Variants in HHIP observed in about 807,000 individuals in gnomAD.
HHIP encodes the protein hedgehog-interacting protein.
In HHIP, 12 loss-of-function variants were observed where a neutral mutation model predicts 74.0. The observed-to-expected ratio is 0.16, with a 90% confidence interval of 0.10 to 0.26. The LOEUF (loss-of-function observed/expected upper bound fraction) is 0.26, where lower values mean the gene tolerates loss of function less well. Among genes scored for constraint, HHIP ranks in the 10% least tolerant of loss-of-function variants. HHIP has a pLI of 1.00. For synonymous variants in HHIP, 309 were observed against 311.6 expected (o/e 0.99, Z 0.09); for missense variants, 788 against 845.0 (o/e 0.93, Z 0.84).
rs200031367 is a variant in HHIP, at chr4:144,738,110, T to C, written c.*153T>C. ...TTTCCAGAAATGTGCAGATCCTCTG[T>C]GTGTATGTCAGCATGTTTGTTCACA... is the stretch of plus-strand genomic sequence containing the variant. On this transcript the variant is annotated 3_prime_UTR_variant, in exon 13 of 13. Coordinates refer to ENST00000296575, the MANE Select transcript of HHIP (RefSeq NM_022475.3). The C allele has an allele frequency of 8.3e-6, 11 of 1,323,094 alleles. 1 individual carries two copies. In the South Asian group the frequency reaches 1.9e-4, roughly 22 times the overall value. 82.0% of individuals were successfully genotyped at this position (1,323,094 alleles called of 1,614,324 possible).
intron 2 of HHIP, 151 bp from the exon 3 acceptor site, chr4:144,658,639 G>C (rs1459651642): frequency 1.7e-6 from 1 of 592,634 alleles, no homozygotes; most frequent in African/African-American, 1.9e-5. Flanking sequence ...AAAGTGGTGG[G>C]ATTACAGGAC....
chr4:144,707,004 T>C (rs1469681567), intron 5 of HHIP, 83 bp from the exon 6 acceptor site: 3 of 1,191,410 alleles, frequency 2.5e-6, no homozygotes, highest in African/African-American at 3.1e-5. Context: ...AGTTTGTTTT[T>C]TCATTTATAT....
intron 11 of HHIP, among the ~76,000 whole-genome samples, chr4:144,726,578 G>C (rs1162973212): frequency 1.3e-5 from 2 of 152,136 alleles, no homozygotes; most frequent in Non-Finnish European, 2.9e-5. Context: ...AATTCACCAT[G>C]ATTTGGTTTC....
intron 2 of HHIP, among the ~76,000 whole-genome samples, chr4:144,653,690 C>T (rs1208531440): frequency 6.6e-6 from 1 of 152,086 alleles, no homozygotes; most frequent in Non-Finnish European, 1.5e-5. Flanking sequence ...GTAGAATGCA[C>T]CAAGAGAATT....
chr4:144,737,275 T>G (rs1270544857), intron 12 of HHIP, among the ~76,000 whole-genome samples: 1 of 152,154 alleles, frequency 6.6e-6, no homozygotes, highest in Non-Finnish European at 1.5e-5. Flanking sequence ...AGGGAGTTTA[T>G]ATGGTGGATA....
intron 4 of HHIP, among the ~76,000 whole-genome samples, chr4:144,664,516 G>A (rs1728805280): frequency 6.6e-6 from 1 of 152,162 alleles, no homozygotes; most frequent in Non-Finnish European, 1.5e-5. Context: ...GCAATCTTAA[G>A]GCAACCCATG....
intron 5 of HHIP, 56 bp from the exon 6 acceptor site, chr4:144,707,031 T>G: frequency 1.4e-6 from 2 of 1,432,246 alleles, no homozygotes; most frequent in Non-Finnish European, 9.8e-7. Context: ...CACTTTCTGA[T>G]GGACTCATCT....
rs961942837 is a variant in HHIP, at chr4:144,744,634, T to A, written c.*6677T>A. On this transcript the variant is annotated 3_prime_UTR_variant, in exon 13 of 13. Transcript: ENST00000296575. ...TCTCTGAATTTGAACTTATTTGATT[T>A]ATTTAACCAAGTTATTATAATATGC... is the stretch of plus-strand genomic sequence containing the variant. The A allele has an allele frequency of 6.6e-6, 1 of 152,226 alleles. No homozygotes were observed. The highest frequency in any genetic ancestry group is 1.5e-5 in the Non-Finnish European group (1 of 68,036). 9.4% of individuals were successfully genotyped at this position (152,226 alleles called of 1,614,324 possible). A position where few individuals can be genotyped will look rare whatever the true frequency, so the allele number is the denominator to read the frequency against.
chr4:144,728,468 T>C (rs969573461), intron 11 of HHIP, among the ~76,000 whole-genome samples: 2 of 152,184 alleles, frequency 1.3e-5, no homozygotes, highest in Non-Finnish European at 2.9e-5. Flanking sequence ...ATTTTAGAAA[T>C]GTTTAGTACA....
intron 11 of HHIP, among the ~76,000 whole-genome samples, chr4:144,728,508 T>C (rs562973834): frequency 3.7e-4 from 57 of 152,302 alleles, no homozygotes; most frequent in African/African-American, 1.4e-3. Flanking sequence ...ATTTATAAGG[T>C]ATATAAATTC....
rs1210792391 is a variant in HHIP at position 144,714,429 on chromosome 4, C to T, written c.1547+81C>T. Reference sequence around the variant, plus strand: ...ATTTGGCAAACTGCCACAAAATATTCAAATGATTGTCTCTTTTTGTGCATC... The same window carrying T: ...ATTTGGCAAACTGCCACAAAATATTTAAATGATTGTCTCTTTTTGTGCATC... On this transcript the variant is annotated intron_variant, in intron 9 of 12. Coordinates refer to ENST00000296575, the MANE Select transcript of HHIP (RefSeq NM_022475.3). 6 of 1,371,878 alleles carry T rather than the reference C, an allele frequency of 4.4e-6. No individual in the cohort carries two copies. The Admixed American group carries it at 1.0e-4, about 24-fold the overall frequency. The allele number at this position is 1,371,878 out of a possible 1,614,324, so 85.0% of individuals were successfully genotyped here. A position where few individuals can be genotyped will look rare whatever the true frequency, so the allele number is the denominator to read the frequency against.
intron 12 of HHIP, among the ~76,000 whole-genome samples, chr4:144,736,463 A>C (rs1731124905): frequency 6.6e-6 from 1 of 152,114 alleles, no homozygotes; most frequent in Non-Finnish European, 1.5e-5. Context: ...ACAGAATATA[A>C]CATAAAGTGT....
intron 12 of HHIP, among the ~76,000 whole-genome samples, chr4:144,737,396 T>C (rs1376964664): frequency 6.6e-6 from 1 of 152,182 alleles, no homozygotes; most frequent in Non-Finnish European, 1.5e-5. Context: ...AGATCCTACC[T>C]TGAAGGAATG....
intron 4 of HHIP, among the ~76,000 whole-genome samples, chr4:144,699,614 C>A (rs1224303923): frequency 6.6e-6 from 1 of 152,084 alleles, no homozygotes; most frequent in Non-Finnish European, 1.5e-5. Context: ...TAAAAGCCCA[C>A]CAAAGTCAGC....
rs1298126761 is a variant in HHIP, at chr4:144,744,531, C to T, written c.*6574C>T. 1 of 152,106 alleles carries T rather than the reference C, an allele frequency of 6.6e-6. No homozygotes were observed. The highest frequency in any genetic ancestry group is 1.5e-5 in the Non-Finnish European group (1 of 68,016). The allele number at this position is 152,106 out of a possible 1,614,324, so 9.4% of individuals were successfully genotyped here. A position where few individuals can be genotyped will look rare whatever the true frequency, so the allele number is the denominator to read the frequency against. On this transcript the variant is annotated 3_prime_UTR_variant, in exon 13 of 13. Coordinates refer to ENST00000296575, the MANE Select transcript of HHIP (RefSeq NM_022475.3). ...AAAGGCAGGTACAAGTTTAAGGGAG[C>T]AGGGCTATCATATGTACTAGGTGAG...
intron 11 of HHIP, among the ~76,000 whole-genome samples, chr4:144,721,717 C>G (rs1258471567): frequency 6.6e-6 from 1 of 151,688 alleles, no homozygotes; most frequent in Non-Finnish European, 1.5e-5. Flanking sequence ...CCTGGCCAAC[C>G]TGGTAAAAAC....
intron 11 of HHIP, among the ~76,000 whole-genome samples, chr4:144,728,576 T>A (rs1037634447): frequency 6.6e-6 from 1 of 152,186 alleles, no homozygotes; most frequent in Non-Finnish European, 1.5e-5. Flanking sequence ...TCAGAGTTAT[T>A]TAAGAATACA....
chr4:144,706,387 T>G (rs1393543217), intron 4 of HHIP, 144 bp from the exon 5 acceptor site: 2 of 617,666 alleles, frequency 3.2e-6, no homozygotes, highest in Admixed American at 6.4e-5. Flanking sequence ...AATCCTTTTT[T>G]GTGCAGTAGG....
rs760735681 is a variant in HHIP at position 144,646,698 on chromosome 4, A to AGCT, written c.34_36dup (p.Leu12dup). 1.6e-5 allele frequency: 26 copies of AGCT among 1,614,040 alleles called. No homozygotes were observed. The South Asian group carries it at 2.6e-4, about 16-fold the overall frequency. On this transcript the variant is annotated inframe_insertion, in exon 1 of 13. Transcript: ENST00000296575. ...ACGATGCTGAAGATGCTCTCCTTTA[A>AGCT]GCTGCTGCTGCTGGCCGTGGCTCTG...
Sources: allele counts gnomAD v4.1 joint callset (sites outside exome capture counted in the v4.1 genomes callset), GRCh38; gene constraint gnomAD v4.1.1; transcripts MANE v1.5; gene names NCBI Gene and HGNC (gene_info 2026-07-23, HGNC 2026-07-21).